Variants in PAFAH2 observed in about 807,000 individuals in gnomAD.
The protein encoded by PAFAH2 is platelet activating factor acetylhydrolase 2, also known as platelet-activating factor acetylhydrolase 2, cytoplasmic.
In PAFAH2, 42 loss-of-function variants were observed where a neutral mutation model predicts 49.0. The ratio of observed to expected loss-of-function variants is 0.86; its 90% CI spans 0.67 to 1.11. PAFAH2 has a LOEUF of 1.11. Among genes scored for constraint, PAFAH2 ranks in the 50% least tolerant of loss-of-function variants. PAFAH2 has a pLI of 0.00. For synonymous variants in PAFAH2, 184 were observed against 181.3 expected (o/e 1.01, Z -0.12); for missense variants, 503 against 501.8 (o/e 1.00, Z -0.02).
intron 7 of PAFAH2, among the ~76,000 whole-genome samples, chr1:25,980,359 T>C (rs1176842487): frequency 1.3e-5 from 2 of 151,782 alleles, no homozygotes; most frequent in Non-Finnish European, 2.9e-5. Context: ...AGTCTCGCCC[T>C]GTCACCAGGC....
intron 7 of PAFAH2, 61 bp downstream of exon 7, chr1:25,982,303 T>C: frequency 8.2e-7 from 1 of 1,222,482 alleles, no homozygotes; most frequent in South Asian, 1.2e-5. Flanking sequence ...TAGGTTTCTG[T>C]TACTTGTAAC....
intron 7 of PAFAH2, among the ~76,000 whole-genome samples, chr1:25,980,676 A>G (rs1227297940): frequency 2.0e-5 from 3 of 149,542 alleles, no homozygotes; most frequent in African/African-American, 7.3e-5. Flanking sequence ...ACACATATGC[A>G]CATACACACA....
intron 10 of PAFAH2, among the ~76,000 whole-genome samples, chr1:25,968,737 T>A (rs1209326092): frequency 1.3e-5 from 2 of 152,144 alleles, no homozygotes; most frequent in Non-Finnish European, 1.5e-5. Context: ...TTGGCCTTTT[T>A]CTTTTCTTTT....
intron 10 of PAFAH2, among the ~76,000 whole-genome samples, chr1:25,966,076 C>T (rs2049417559): frequency 1.4e-5 from 2 of 142,928 alleles, no homozygotes; most frequent in South Asian, 4.8e-4. Flanking sequence ...CAATGAGATA[C>T]TACACCAGTC....
intron 10 of PAFAH2, among the ~76,000 whole-genome samples, chr1:25,969,561 C>T (rs1451027200): frequency 6.6e-6 from 1 of 152,170 alleles, no homozygotes; most frequent in Non-Finnish European, 1.5e-5. Flanking sequence ...TGGTATCCTC[C>T]CCTGTAAAAT....
At chr1:25,996,089 C>T (rs2049932351) in intron 1 of PAFAH2, among the ~76,000 whole-genome samples, 1 of 152,130 alleles carries the variant, frequency 6.6e-6, no homozygotes, top group African/African-American at 2.4e-5. Context: ...GACGCAGTGG[C>T]TCATGCCTAT....
At chr1:25,996,981 A>C (rs992236818) in intron 1 of PAFAH2, among the ~76,000 whole-genome samples, 2 of 152,194 alleles carry the variant, frequency 1.3e-5, no homozygotes, top group African/African-American at 4.8e-5. Flanking sequence ...CCCCTACCAA[A>C]GCCAGTGTCT....
intron 4 of PAFAH2, among the ~76,000 whole-genome samples, chr1:25,986,885 G>A (rs1557527908): frequency 1.3e-5 from 2 of 151,874 alleles, no homozygotes; most frequent in Admixed American, 1.3e-4. Flanking sequence ...AATATTTATT[G>A]AGTACCTATT....
At chr1:25,966,551 A>G (rs955184746) in intron 10 of PAFAH2, among the ~76,000 whole-genome samples, 22 of 152,156 alleles carry the variant, frequency 1.4e-4, no homozygotes, top group Admixed American at 1.4e-3. Context: ...TGTCACTTAT[A>G]AGTGGGAGCT....
chr1:25,974,915 C>T (rs2049566772), intron 8 of PAFAH2, among the ~76,000 whole-genome samples: 1 of 151,958 alleles, frequency 6.6e-6, no homozygotes, highest in Admixed American at 6.6e-5. Context: ...AGGTGACTGA[C>T]CTGAGTTCCA....
At chr1:25,966,850 C>T (rs758746428) in intron 10 of PAFAH2, among the ~76,000 whole-genome samples, 1 of 151,826 alleles carries the variant, frequency 6.6e-6, no homozygotes. Flanking sequence ...GCTAACATGG[C>T]GAAACTCCAT....
At chr1:25,988,168 T>C in intron 4 of PAFAH2, 63 bp downstream of exon 4, 2 of 1,056,454 alleles carry the variant, frequency 1.9e-6, no homozygotes, top group Non-Finnish European at 1.4e-6. Context: ...GAGAATAAGC[T>C]AAGACTCAGC....
intron 7 of PAFAH2, 71 bp from the exon 8 acceptor site, chr1:25,976,844 G>C: frequency 7.8e-7 from 1 of 1,285,444 alleles, no homozygotes; most frequent in Admixed American, 1.8e-5. Flanking sequence ...TCAGGAGCAA[G>C]AGGAAGAAAT....
chr1:25,987,381 C>G (rs1373650118), intron 4 of PAFAH2, among the ~76,000 whole-genome samples: 15 of 151,934 alleles, frequency 9.9e-5, no homozygotes, highest in Admixed American at 9.8e-4. Context: ...CATTCTGGGA[C>G]CTAAACTAGA....
chr1:25,963,465 G>A (rs1351212511), intron 10 of PAFAH2, among the ~76,000 whole-genome samples: 4 of 152,098 alleles, frequency 2.6e-5, no homozygotes, highest in African/African-American at 7.2e-5. Context: ...GGTGGCCAGG[G>A]GTTGGAGTGA....
At chr1:25,991,928 C>A (rs931855784) in intron 1 of PAFAH2, among the ~76,000 whole-genome samples, 1 of 152,084 alleles carries the variant, frequency 6.6e-6, no homozygotes, top group Non-Finnish European at 1.5e-5. Flanking sequence ...CCCTGTTTTA[C>A]AGATGAGGAA....
At chr1:25,973,031 C>A (rs2049533887) in intron 9 of PAFAH2, among the ~76,000 whole-genome samples, 1 of 152,156 alleles carries the variant, frequency 6.6e-6, no homozygotes, top group South Asian at 2.1e-4. Context: ...GGGACAGGAG[C>A]AAGGAGGTGG....
rs1267180471 is a variant in PAFAH2, at chr1:25,983,943, T to C, written c.552+3A>G. ...TCTCCCTCCCCAACTGGCACAAACT[T>C]ACCTGGGGATTCCGAACATGAAATT... On this transcript the variant is annotated splice_donor_region_variant and intron_variant, in intron 6 of 10. Transcript: ENST00000374282. The C allele has an allele frequency of 6.2e-7, 1 of 1,613,986 alleles. No individual in the cohort carries two copies. Among genetic ancestry groups the C allele is most frequent in the Non-Finnish European group, 8.5e-7 (1 of 1,179,998 alleles).
intron 8 of PAFAH2, 142 bp downstream of exon 8, chr1:25,976,540 T>C (rs753527729): frequency 3.1e-5 from 19 of 612,998 alleles, no homozygotes; most frequent in Non-Finnish European, 5.2e-5. Context: ...TCCCATGAAA[T>C]CAGAGATCTT....
Sources: allele counts gnomAD v4.1 joint callset (sites outside exome capture counted in the v4.1 genomes callset), GRCh38; gene constraint gnomAD v4.1.1; transcripts MANE v1.5; gene names NCBI Gene and HGNC (gene_info 2026-07-23, HGNC 2026-07-21).